Variants in MRPL32 observed in about 807,000 individuals in gnomAD.
MRPL32 encodes the protein large ribosomal subunit protein bL32m.
Under a neutral mutation model 21.7 loss-of-function variants are expected in MRPL32, and 14 were observed. The observed-to-expected ratio is 0.64, with a 90% CI of 0.43 to 1.01. The LOEUF is 1.01. Among genes scored for constraint, MRPL32 ranks in the 50% least tolerant of loss-of-function variants. MRPL32 has a pLI of 0.00. For synonymous variants in MRPL32, 83 were observed against 87.7 expected (o/e 0.95, Z 0.30); for missense variants, 211 against 235.9 (o/e 0.89, Z 0.69).
Position 42,932,404 on chromosome 7 carries a change from G to A in MRPL32, c.18G>A (p.Leu6=), listed in dbSNP as rs113789800. The A allele has an allele frequency of 6.2e-7, 1 of 1,611,256 alleles. No individual in the cohort carries two copies. Among genetic ancestry groups the A allele is most frequent in the African/African-American group, 1.3e-5 (1 of 74,990 alleles). Residue 6 remains leucine (L), a synonymous_variant, in exon 1 of 3, where the codon CTG becomes CTA. Coordinates refer to ENST00000223324, the MANE Select transcript of MRPL32 (RefSeq NM_031903.3). MALAM[L]VLVVSPWSAA... is the part of the protein sequence containing the mutation. The stretch of plus-strand genomic sequence containing the variant: ...CAGGGAAAATGGCGCTGGCCATGCT[G>A]GTCTTGGTGGTTTCGCCGTGGTCTG...
chr7:42,932,655 C>G (rs906773311), intron 1 of MRPL32, 139 bp downstream of exon 1: 8 of 892,366 alleles, frequency 9.0e-6, no homozygotes, highest in Non-Finnish European at 1.3e-5. Context: ...CGTGACATTC[C>G]CATATTAGCG....
rs1786441356 is a variant in MRPL32 at position 42,937,305 on chromosome 7, T to C, written c.313-17T>C. ...ATTGCCTCATGTTAAAATACGTTTTTGTTTATTGTTTTAAAGAACAACATA... is the reference window on the plus strand; with the variant it reads ...ATTGCCTCATGTTAAAATACGTTTTCGTTTATTGTTTTAAAGAACAACATA... On this transcript the variant is annotated splice_polypyrimidine_tract_variant and intron_variant, in intron 2 of 2. Coordinates refer to ENST00000223324, the MANE Select transcript of MRPL32 (RefSeq NM_031903.3). 3.1e-6 allele frequency: 5 copies of C among 1,612,844 alleles called. No individual in the cohort carries two copies. The highest frequency in any genetic ancestry group is 4.2e-6 in the Non-Finnish European group (5 of 1,179,006).
At chr7:42,935,429 T>C (rs1786408637) in intron 2 of MRPL32, 1 of 224,794 alleles carries the variant, frequency 4.4e-6, no homozygotes. Context: ...TGTGTCAGTC[T>C]TGAGCTGTGT....
intron 2 of MRPL32, chr7:42,935,468 CCTAA>C (rs1426557134): frequency 5.6e-6 from 1 of 179,328 alleles, no homozygotes; most frequent in Non-Finnish European, 1.2e-5. Flanking sequence ...GAGTAAACAT[CCTAA>C]CTATGGCAGA....
chr7:42,934,287 A>G (rs1266289267), intron 1 of MRPL32, among the ~76,000 whole-genome samples: 1 of 146,662 alleles, frequency 6.8e-6, no homozygotes, highest in Non-Finnish European at 1.5e-5. Context: ...AAAAAAAAGT[A>G]TGGCACGTCT....
chr7:42,933,557 A>C (rs1473522645), intron 1 of MRPL32, among the ~76,000 whole-genome samples: 2 of 145,052 alleles, frequency 1.4e-5, no homozygotes, highest in African/African-American at 5.2e-5. Context: ...GTGGTGTTTG[A>C]GCTCTGAGGA....
intron 2 of MRPL32, 72 bp from the exon 3 acceptor site, chr7:42,937,250 T>A: frequency 6.2e-7 from 1 of 1,611,448 alleles, no homozygotes; most frequent in Non-Finnish European, 8.5e-7. Context: ...ATGTAAGCAT[T>A]GCTCCTGTCA....
chr7:42,936,451 T>G (rs1786423822), intron 2 of MRPL32: 1 of 152,192 alleles, frequency 6.6e-6, no homozygotes, highest in African/African-American at 2.4e-5. Context: ...GTTAGGCAAG[T>G]AATATACAAG....
chr7:42,932,604 G>A (rs1354854069), intron 1 of MRPL32, 88 bp downstream of exon 1: 10 of 1,403,292 alleles, frequency 7.1e-6, no homozygotes, highest in Non-Finnish European at 6.6e-6. Flanking sequence ...TTCGCCCTCA[G>A]CCCCGGTTCT....
chr7:42,937,583 A>C lies in MRPL32; in HGVS notation c.*7A>C. The stretch of plus-strand genomic sequence containing the variant: ...CTGGTTCACCCAGAATTGACACCAA[A>C]GATGTTAAAAGGGTAACTTCACAGT... On this transcript the variant is annotated 3_prime_UTR_variant, in exon 3 of 3. Coordinates refer to ENST00000223324, the MANE Select transcript of MRPL32 (RefSeq NM_031903.3). 6.3e-7 allele frequency: 1 copy of C among 1,594,088 alleles called. No individual in the cohort carries two copies. Among genetic ancestry groups the C allele is most frequent in the Non-Finnish European group, 8.6e-7 (1 of 1,169,478 alleles).
At position 42,932,422 on chromosome 7, in the gene MRPL32, G is replaced by C. The variant is rs772257008; in HGVS notation, c.36G>C (p.Pro12=). 3.7e-6 allele frequency: 6 copies of C among 1,611,372 alleles called. No individual in the cohort carries two copies. The highest frequency in any genetic ancestry group is 1.7e-4 in the Middle Eastern group (1 of 6,034). The change falls in exon 1 of 3, where the codon CCG becomes CCC. Residue 12 remains proline, a synonymous_variant. Transcript: ENST00000223324. ...CCATGCTGGTCTTGGTGGTTTCGCCGTGGTCTGCGGCCCGGGGAGTGCTTC... is the reference window on the plus strand; with the variant it reads ...CCATGCTGGTCTTGGTGGTTTCGCCCTGGTCTGCGGCCCGGGGAGTGCTTC... The part of the protein sequence containing the change: ...ALAMLVLVVS[P]WSAARGVLRN...
Position 42,932,508 on chromosome 7 carries a change from C to G in MRPL32, c.122C>G (p.Pro41Arg). 1 of 1,605,350 alleles carries G rather than the reference C, an allele frequency of 6.2e-7. No individual in the cohort carries two copies. The change falls in exon 1 of 3, where the codon CCT (proline) becomes CGT (arginine). Residue 41 changes from proline to arginine, a missense_variant. Transcript: ENST00000223324. The part of the protein sequence containing the change: ...LPQSRPGFPS[P>R]PWGPALAVQG... ...CAGAGCCGGCCGGGCTTTCCCAGTC[C>G]TCCGTGGGGTAGGTAAAGAAGGGCT...
In MRPL32 at chr7:42,935,333, A is replaced by C. The variant is rs146499180; in HGVS notation, c.312+197A>C. The C allele has an allele frequency of 7.9e-4, 359 of 454,962 alleles. 1 individual carries two copies. Among genetic ancestry groups the C allele is most frequent in the Non-Finnish European group, 1.3e-3 (327 of 259,296 alleles). The allele number at this position is 454,962 out of a possible 1,614,324, so 28.2% of individuals were successfully genotyped here. A position where few individuals can be genotyped will look rare whatever the true frequency, so the allele number is the denominator to read the frequency against. On this transcript the variant is annotated intron_variant, in intron 2 of 2. Transcript: ENST00000223324. The stretch of plus-strand genomic sequence containing the variant: ...CCTGCTGTCCTCTAGCCTGAGTATT[A>C]GAAACACAGTCAAGGAAGGAGTGAG...
intron 2 of MRPL32, 85 bp downstream of exon 2, chr7:42,935,221 A>T: frequency 8.6e-7 from 1 of 1,162,210 alleles, no homozygotes. Flanking sequence ...CCTAGGAATA[A>T]ATTATTATCA....
intron 1 of MRPL32, among the ~76,000 whole-genome samples, chr7:42,933,455 C>G (rs555191158): frequency 1.3e-5 from 2 of 151,830 alleles, no homozygotes; most frequent in South Asian, 2.1e-4. Flanking sequence ...CACCTCCCCT[C>G]CCGCTTCCCC....
At chr7:42,932,700 G>C (rs1786346480) in intron 1 of MRPL32, among the ~76,000 whole-genome samples, 184 bp downstream of exon 1, 1 of 14,332 alleles carries the variant, frequency 7.0e-5, no homozygotes, top group South Asian at 5.1e-3. Context: ...TCCCTCCACC[G>C]CAAAAAAAAA....
chr7:42,936,597 A>G (rs1022149321), intron 2 of MRPL32: 2 of 151,606 alleles, frequency 1.3e-5, no homozygotes, highest in African/African-American at 4.8e-5. Flanking sequence ...TTTCAAACCT[A>G]CATCTAGAAT....
At position 42,932,404 on chromosome 7, in the gene MRPL32, G is replaced by C. The variant is rs113789800; in HGVS notation, c.18G>C (p.Leu6=). Residue 6 remains leucine (L), a synonymous_variant, in exon 1 of 3, where the codon CTG becomes CTC. Transcript: ENST00000223324. ...CAGGGAAAATGGCGCTGGCCATGCT[G>C]GTCTTGGTGGTTTCGCCGTGGTCTG... The part of the protein sequence containing the change: MALAM[L]VLVVSPWSAA... The C allele has an allele frequency of 1.9e-6, 3 of 1,611,256 alleles. No individual in the cohort carries two copies. Among genetic ancestry groups the C allele is most frequent in the East Asian group, 2.2e-5 (1 of 44,816 alleles).
At position 42,934,953 on chromosome 7, in the gene MRPL32, AG is replaced by A; in HGVS notation, c.131del. On this transcript the variant is annotated splice_acceptor_variant, in intron 1 of 2. Transcript: ENST00000223324. LOFTEE classifies it high-confidence loss of function. ...CTGTATCTCTTATGTTTTATTTCCT[AG>A]GACCAGCATTAGCAGTACAGGGCCC... The A allele has an allele frequency of 6.4e-7, 1 of 1,559,266 alleles. No homozygotes were observed. Among genetic ancestry groups the A allele is most frequent in the African/African-American group, 1.4e-5 (1 of 72,402 alleles).
Sources: allele counts gnomAD v4.1 joint callset (sites outside exome capture counted in the v4.1 genomes callset), GRCh38; gene constraint gnomAD v4.1.1; transcripts MANE v1.5; gene names NCBI Gene and HGNC (gene_info 2026-07-23, HGNC 2026-07-21).